GLIS3: variants seen among roughly 807,000 people sequenced by gnomAD.
The protein encoded by GLIS3 is zinc finger protein GLIS3.
GLIS3 carries 53 observed loss-of-function variants against 78.6 expected under a neutral mutation model. The ratio of observed to expected loss-of-function variants is 0.67; its 90% CI spans 0.54 to 0.85. The LOEUF (loss-of-function observed/expected upper bound fraction) is 0.85. Among genes scored for constraint, GLIS3 ranks in the 40% least tolerant of loss-of-function variants. The pLI is 0.00. For synonymous variants in GLIS3, 684 were observed against 509.9 expected, an observed-to-expected ratio of 1.34 and a Z score of -4.60; for missense variants, 1,703 against 1,231.1, an observed-to-expected ratio of 1.38 and a Z score of -5.74.
chr9:4,034,207 G>A (rs548763080), intron 4 of GLIS3, among the ~76,000 whole-genome samples: 105 of 152,096 alleles, frequency 6.9e-4, no homozygotes, highest in Non-Finnish European at 1.3e-3. Context: ...GGGCAACACA[G>A]TAGCACCTTG....
Position 3,898,736 on chromosome 9 carries a change from C to T in GLIS3, c.2083G>A (p.Gly695Arg). 1 of 1,614,174 alleles carries T rather than the reference C, an allele frequency of 6.2e-7. No homozygotes were observed. ...ATSPRDAAAE[G>R]TVGRSPGPGP... ...GGTCCAGGGGAGCGTCCCACGGTCC[C>T]TTCAGCAGCAGCATCTCTAGGGGAA... Residue 695 changes from glycine (G) to arginine (R), a missense_variant, in exon 7 of 11, where the codon GGG (glycine) becomes AGG (arginine). Gly to Arg is a moderately radical substitution (Grantham distance 125). Coordinates refer to ENST00000381971, the MANE Select transcript of GLIS3 (RefSeq NM_001042413.2).
rs1817760407 is a variant in GLIS3 at position 3,827,033 on chromosome 9, A to G, written c.*1239T>C. On this transcript the variant is annotated 3_prime_UTR_variant, in exon 11 of 11. Transcript: ENST00000381971. ...TCCAGGCCTTCAAACTGGAACTCAG[A>G]AAAAGAATTGCCTCTTTCTGTAGAC... 1 of 152,178 alleles carries G rather than the reference A, an allele frequency of 6.6e-6. No homozygotes were observed. Among genetic ancestry groups the G allele is most frequent in the Non-Finnish European group, 1.5e-5 (1 of 68,036 alleles). The allele number at this position is 152,178 out of a possible 1,614,324, so 9.4% of individuals were successfully genotyped here.
At chr9:4,303,437 T>C (rs759357886), upstream of GLIS3, among the ~76,000 whole-genome samples, 1 of 152,206 alleles carries the variant, frequency 6.6e-6, no homozygotes, top group Non-Finnish European at 1.5e-5. Flanking sequence ...AAATTTCACA[T>C]TATGTTATCA....
intron 2 of GLIS3, among the ~76,000 whole-genome samples, chr9:4,191,355 A>G (rs1563728740): frequency 6.6e-6 from 1 of 152,218 alleles, no homozygotes; most frequent in Non-Finnish European, 1.5e-5. Context: ...TTGATGAAAT[A>G]AGATTCCAGT....
At chr9:4,284,585 T>C (rs1827822286) in intron 2 of GLIS3, among the ~76,000 whole-genome samples, 1 of 150,772 alleles carries the variant, frequency 6.6e-6, no homozygotes, top group Admixed American at 6.6e-5. Context: ...TCAAAACTAA[T>C]CTAGACCAAA....
At chr9:4,387,841 G>C in the GLIS3 span, among the ~76,000 whole-genome samples, 1 of 152,162 alleles carries the variant, frequency 6.6e-6, no homozygotes, top group African/African-American at 2.4e-5. Flanking sequence ...GAATTTAAAA[G>C]TCTGTTGTGT....
At chr9:4,237,752 A>T (rs1168944623) in intron 2 of GLIS3, among the ~76,000 whole-genome samples, 1 of 152,114 alleles carries the variant, frequency 6.6e-6, no homozygotes, top group Non-Finnish European at 1.5e-5. Flanking sequence ...TTCATTTGAG[A>T]TTAACTTTAA....
At chr9:4,264,493 C>G (rs1470321376) in intron 2 of GLIS3, among the ~76,000 whole-genome samples, 1 of 152,128 alleles carries the variant, frequency 6.6e-6, no homozygotes, top group East Asian at 1.9e-4. Context: ...TGGAAGAGTT[C>G]CTATCACACT....
At chr9:4,319,080 T>G (rs1427696491) in intron 2 of GLIS3, among the ~76,000 whole-genome samples, 1 of 152,142 alleles carries the variant, frequency 6.6e-6, no homozygotes, top group African/African-American at 2.4e-5. Flanking sequence ...ATGAAAGACA[T>G]GAGGAACCAT....
intron 4 of GLIS3, among the ~76,000 whole-genome samples, chr9:3,962,100 G>C (rs1817603046): frequency 6.6e-6 from 1 of 152,052 alleles, no homozygotes; most frequent in Admixed American, 6.5e-5. Context: ...CACACCTGTA[G>C]TCCTAGCTAC....
the GLIS3 span, among the ~76,000 whole-genome samples, chr9:4,400,822 G>T: frequency 6.6e-6 from 1 of 152,098 alleles, no homozygotes; most frequent in Non-Finnish European, 1.5e-5. Flanking sequence ...GGGCCAAAAG[G>T]GTATCTACTG....
At chr9:4,017,684 C>A (rs1021170189) in intron 4 of GLIS3, among the ~76,000 whole-genome samples, 5 of 152,108 alleles carry the variant, frequency 3.3e-5, no homozygotes, top group African/African-American at 1.2e-4. Context: ...AAAGATAGAA[C>A]CCAGGATGCA....
intron 2 of GLIS3, among the ~76,000 whole-genome samples, chr9:4,333,300 A>C (rs1587390906): frequency 6.6e-6 from 1 of 151,122 alleles, no homozygotes; most frequent in African/African-American, 2.4e-5. Context: ...AGGGGAAGGG[A>C]AAAAGGAAGA....
At chr9:4,210,238 T>C (rs1820265122) in intron 2 of GLIS3, among the ~76,000 whole-genome samples, 1 of 152,224 alleles carries the variant, frequency 6.6e-6, no homozygotes, top group Non-Finnish European at 1.5e-5. Flanking sequence ...ATTATGATAG[T>C]TTTGCAATAT....
chr9:4,243,727 T>A (rs372641342), intron 2 of GLIS3, among the ~76,000 whole-genome samples: 4 of 152,172 alleles, frequency 2.6e-5, no homozygotes, highest in African/African-American at 9.7e-5. Context: ...CTTAAAATAG[T>A]GTAGCCTCTC....
At chr9:4,355,946 C>T in the GLIS3 span, among the ~76,000 whole-genome samples, 1 of 152,196 alleles carries the variant, frequency 6.6e-6, no homozygotes, top group Admixed American at 6.5e-5. Context: ...CATAGACATA[C>T]ATATTTATCA....
At chr9:4,262,114 A>C (rs1018845742) in intron 2 of GLIS3, among the ~76,000 whole-genome samples, 5 of 152,140 alleles carry the variant, frequency 3.3e-5, no homozygotes, top group African/African-American at 1.2e-4. Flanking sequence ...ATGTGTCTGA[A>C]CTATGTGACT....
chr9:4,381,371 A>C, the GLIS3 span, among the ~76,000 whole-genome samples: 1 of 152,320 alleles, frequency 6.6e-6, no homozygotes, highest in Admixed American at 6.5e-5. Flanking sequence ...CTGGCTCATA[A>C]GGTAGTTAAA....
At chr9:4,251,445 T>C (rs1286995386) in intron 2 of GLIS3, among the ~76,000 whole-genome samples, 2 of 102,718 alleles carry the variant, frequency 1.9e-5, no homozygotes, top group South Asian at 6.4e-4. Context: ...TTTTTTTTTT[T>C]GCTTTCCATT....
Sources: allele counts gnomAD v4.1 joint callset (sites outside exome capture counted in the v4.1 genomes callset), GRCh38; gene constraint gnomAD v4.1.1; transcripts MANE v1.5; gene names NCBI Gene and HGNC (gene_info 2026-07-23, HGNC 2026-07-21).